The following TENM2 variants were observed in gnomAD, a reference collection of about 807,000 sequenced individuals.
TENM2 encodes teneurin-2.
In TENM2, 52 loss-of-function variants were observed where a neutral mutation model predicts 245.2. The ratio of observed to expected loss-of-function variants is 0.21; its 90% CI spans 0.17 to 0.27. The LOEUF (loss-of-function observed/expected upper bound fraction) is 0.27. TENM2 is among the 10% of genes least tolerant of loss of function. TENM2 has a pLI of 1.00. For missense variants in TENM2, 3,046 were observed against 3,666.8 expected (o/e 0.83, Z 4.37); for synonymous variants, 1,363 against 1,438.9 (o/e 0.95, Z 1.19).
At chr5:167,776,410 A>C (rs2150800038) in intron 2 of TENM2, among the ~76,000 whole-genome samples, 1 of 151,760 alleles carries the variant, frequency 6.6e-6, no homozygotes, top group South Asian at 2.1e-4. Flanking sequence ...CAGCCTGGGC[A>C]GCAAGGCGAG....
the TENM2 span, among the ~76,000 whole-genome samples, chr5:167,262,684 A>G: frequency 6.6e-6 from 1 of 152,082 alleles, no homozygotes; most frequent in African/African-American, 2.4e-5. Flanking sequence ...ACCTGGGAAG[A>G]TATTCCTGGA....
chr5:167,719,179 A>G (rs1002278517), intron 2 of TENM2, among the ~76,000 whole-genome samples: 1 of 152,244 alleles, frequency 6.6e-6, no homozygotes, highest in Non-Finnish European at 1.5e-5. Context: ...TCTTTGTCAA[A>G]TTGAAGATTC....
intron 3 of TENM2, among the ~76,000 whole-genome samples, chr5:167,920,390 C>T (rs1777272630): frequency 6.7e-6 from 1 of 149,006 alleles, no homozygotes; most frequent in South Asian, 2.1e-4. Context: ...TAGTGGCGGG[C>T]ACATGTAATC....
chr5:167,062,010 G>A, the TENM2 span, among the ~76,000 whole-genome samples: 9 of 151,900 alleles, frequency 5.9e-5, no homozygotes, highest in Admixed American at 5.9e-4. Flanking sequence ...TTGCAGGGAT[G>A]TGCTGAACAG....
At chr5:167,149,723 C>T in the TENM2 span, among the ~76,000 whole-genome samples, 214 of 152,276 alleles carry the variant, frequency 1.4e-3, 2 homozygotes, top group African/African-American at 4.9e-3. Flanking sequence ...TCAATCAATT[C>T]CTCTTTCAGA....
At chr5:167,704,842 T>C (rs1226948181) in intron 2 of TENM2, among the ~76,000 whole-genome samples, 1 of 152,186 alleles carries the variant, frequency 6.6e-6, no homozygotes, top group African/African-American at 2.4e-5. Context: ...CTTCGAGGCT[T>C]TTCTCTAGGA....
At chr5:167,206,626 TTAAAA>T in the TENM2 span, among the ~76,000 whole-genome samples, 4 of 152,342 alleles carry the variant, frequency 2.6e-5, no homozygotes, top group Admixed American at 2.0e-4. Flanking sequence ...AAATGAGCTG[TTAAAA>T]TAAGTAGATG....
rs912533762 is a variant in TENM2, at chr5:167,338,859, C to T, written c.227-36339C>T. ...TGGCCCCGCTTTTGTTGCATTCACACGTGACAGAAAGAGAGAGTTCTGGTA... is the reference window on the plus strand; with the variant it reads ...TGGCCCCGCTTTTGTTGCATTCACATGTGACAGAAAGAGAGAGTTCTGGTA... On this transcript the variant is annotated intron_variant, in intron 1 of 28. Transcript: ENST00000518659. Among the ~76,000 whole-genome samples, 6 of 152,164 alleles carry T rather than the reference C, an allele frequency of 3.9e-5. No homozygotes were observed. The East Asian group carries it at 5.8e-4, about 15-fold the overall frequency.
the TENM2 span, among the ~76,000 whole-genome samples, chr5:167,094,829 T>C: frequency 1.3e-5 from 2 of 152,212 alleles, no homozygotes; most frequent in African/African-American, 4.8e-5. Context: ...CAAGTGAATT[T>C]CTCTGCAAAA....
chr5:167,052,844 G>T, the TENM2 span, among the ~76,000 whole-genome samples: 1 of 150,058 alleles, frequency 6.7e-6, no homozygotes, highest in Non-Finnish European at 1.5e-5. Context: ...ACTTCTTCTC[G>T]TATCCAATCA....
chr5:167,503,997 A>G (rs547877129), intron 2 of TENM2, among the ~76,000 whole-genome samples: 1 of 152,330 alleles, frequency 6.6e-6, no homozygotes, highest in East Asian at 1.9e-4. Flanking sequence ...AAATGGGGAC[A>G]GTCAGTTTGA....
chr5:167,834,896 C>T (rs766698007), intron 2 of TENM2, among the ~76,000 whole-genome samples: 157 of 152,194 alleles, frequency 1.0e-3, no homozygotes, highest in Non-Finnish European at 2.0e-3. Flanking sequence ...GTGATCCGCC[C>T]GCCTCGGCCT....
chr5:167,475,997 T>A (rs1767347138), intron 2 of TENM2, among the ~76,000 whole-genome samples: 1 of 152,186 alleles, frequency 6.6e-6, no homozygotes, highest in Admixed American at 6.5e-5. Context: ...AGCATATAAA[T>A]TTTTTAAAGT....
chr5:167,565,540 T>A (rs1245446499), intron 2 of TENM2, among the ~76,000 whole-genome samples: 1 of 152,232 alleles, frequency 6.6e-6, no homozygotes, highest in Admixed American at 6.5e-5. Flanking sequence ...CATAATGCAA[T>A]TCTTTTTCCT....
the TENM2 span, among the ~76,000 whole-genome samples, chr5:167,022,001 T>A: frequency 6.6e-6 from 1 of 152,216 alleles, no homozygotes; most frequent in Non-Finnish European, 1.5e-5. Context: ...TTGTTGTTGT[T>A]TTGCCCTTGA....
chr5:167,100,351 G>A, the TENM2 span, among the ~76,000 whole-genome samples: 1 of 152,134 alleles, frequency 6.6e-6, no homozygotes. Context: ...AGGTGATGCT[G>A]GATGTCTCCT....
chr5:168,154,286 C>T (rs952508461), intron 12 of TENM2, among the ~76,000 whole-genome samples: 3 of 151,948 alleles, frequency 2.0e-5, no homozygotes, highest in Non-Finnish European at 2.9e-5. Flanking sequence ...GATCTTGGCT[C>T]ACTGCTGCAA....
At chr5:167,452,025 A>C (rs1168202920) in intron 2 of TENM2, among the ~76,000 whole-genome samples, 1 of 152,204 alleles carries the variant, frequency 6.6e-6, no homozygotes, top group Non-Finnish European at 1.5e-5. Context: ...GGAGTTTTCT[A>C]TAACTTAAAA....
chr5:167,435,488 G>A (rs2127450202), intron 2 of TENM2, among the ~76,000 whole-genome samples: 1 of 152,328 alleles, frequency 6.6e-6, no homozygotes, highest in African/African-American at 2.4e-5. Context: ...GGGCTCCCCA[G>A]CAGTGTGGAA....
Sources: allele counts gnomAD v4.1 joint callset (sites outside exome capture counted in the v4.1 genomes callset), GRCh38; gene constraint gnomAD v4.1.1; transcripts MANE v1.5; gene names NCBI Gene and HGNC (gene_info 2026-07-23, HGNC 2026-07-21).